Variants in ANKRD45 observed in about 807,000 individuals in gnomAD.
ANKRD45 encodes ankyrin repeat domain-containing protein 45.
In ANKRD45, 21 loss-of-function variants were observed where a neutral mutation model predicts 28.1. That is an observed-to-expected ratio of 0.75 (90% CI 0.53 to 1.08). The LOEUF (loss-of-function observed/expected upper bound fraction) is 1.08. Among genes scored for constraint, ANKRD45 ranks in the 50% least tolerant of loss-of-function variants. The pLI is 0.00. For missense variants in ANKRD45, 261 were observed against 308.7 expected (o/e 0.85, Z 1.16); for synonymous variants, 86 against 103.9 (o/e 0.83, Z 1.05).
the ANKRD45 span, among the ~76,000 whole-genome samples, chr1:173,713,176 A>T: frequency 6.6e-6 from 1 of 152,238 alleles, no homozygotes; most frequent in Admixed American, 6.5e-5. Context: ...TTTCAATAAG[A>T]TCACAAAGCT....
intron 2 of ANKRD45, chr1:173,657,304 T>A (rs941763435): frequency 6.2e-6 from 2 of 323,184 alleles, no homozygotes; most frequent in Admixed American, 3.3e-5. Context: ...CCCTCTCCAC[T>A]AAAAAATACG....
At chr1:173,661,912 G>C (rs567526911) in intron 1 of ANKRD45, among the ~76,000 whole-genome samples, 1 of 152,144 alleles carries the variant, frequency 6.6e-6, no homozygotes, top group Non-Finnish European at 1.5e-5. Context: ...GAAATAACAG[G>C]GAAGTGAAGA....
In ANKRD45 at chr1:173,635,931, C is replaced by T. The variant is rs1014382408; in HGVS notation, c.497-8772G>A. On this transcript the variant is annotated intron_variant, in intron 3 of 5. Transcript: ENST00000333279. Reference sequence around the variant, plus strand: ...TACTAGTTTCTTTGAGAGAGGGTACCGTGTTTTATTCCTCATTGTAACCTT... The same window carrying T: ...TACTAGTTTCTTTGAGAGAGGGTACTGTGTTTTATTCCTCATTGTAACCTT... 3.7e-5 allele frequency: 38 copies of T among 1,018,104 alleles called. No homozygotes were observed. In the Admixed American group the frequency reaches 9.7e-4, roughly 26 times the overall value. 63.1% of individuals were successfully genotyped at this position (1,018,104 alleles called of 1,614,324 possible). A position where few individuals can be genotyped will look rare whatever the true frequency, so the allele number is the denominator to read the frequency against.
chr1:173,650,189 T>C (rs995041260), intron 2 of ANKRD45, among the ~76,000 whole-genome samples: 1 of 152,174 alleles, frequency 6.6e-6, no homozygotes, highest in African/African-American at 2.4e-5. Flanking sequence ...ATGTGCCATG[T>C]TGGTTTGCTG....
chr1:173,685,542 T>G, the ANKRD45 span, among the ~76,000 whole-genome samples: 1 of 152,226 alleles, frequency 6.6e-6, no homozygotes, highest in African/African-American at 2.4e-5. Context: ...TTTTGTTTAA[T>G]GTGTGGAGGG....
chr1:173,688,547 C>CCTCTCTCT, the ANKRD45 span, among the ~76,000 whole-genome samples: 1 of 81,066 alleles, frequency 1.2e-5, no homozygotes, highest in African/African-American at 6.8e-5. Context: ...CCTCTCTCTC[C>CCTCTCTCT]CTCTCTGCCT....
At chr1:173,634,317 T>C (rs1217277602) in intron 3 of ANKRD45, among the ~76,000 whole-genome samples, 1 of 151,754 alleles carries the variant, frequency 6.6e-6, no homozygotes, top group African/African-American at 2.4e-5. Flanking sequence ...TACAGACATA[T>C]AGATTTAGAT....
At chr1:173,685,053 T>A in the ANKRD45 span, among the ~76,000 whole-genome samples, 1 of 152,212 alleles carries the variant, frequency 6.6e-6, no homozygotes. Flanking sequence ...TTACGATGTT[T>A]TATTTTTCCT....
chr1:173,701,781 T>C, the ANKRD45 span, among the ~76,000 whole-genome samples: 6 of 152,106 alleles, frequency 3.9e-5, no homozygotes, highest in East Asian at 5.8e-4. Context: ...AACCTGCACA[T>C]TGTGCACATG....
the ANKRD45 span, among the ~76,000 whole-genome samples, chr1:173,691,974 G>T: frequency 6.6e-6 from 1 of 152,158 alleles, no homozygotes; most frequent in Non-Finnish European, 1.5e-5. Context: ...CTAATTTAAA[G>T]AGAATGATGG....
At chr1:173,621,651 A>G (rs1471697610) in intron 5 of ANKRD45, among the ~76,000 whole-genome samples, 2 of 152,162 alleles carry the variant, frequency 1.3e-5, no homozygotes, top group African/African-American at 4.8e-5. Flanking sequence ...TTGAAGGAAC[A>G]TACCTCAAAA....
At chr1:173,625,864 T>C (rs992625755) in intron 4 of ANKRD45, among the ~76,000 whole-genome samples, 2 of 152,172 alleles carry the variant, frequency 1.3e-5, no homozygotes, top group African/African-American at 4.8e-5. Context: ...AGAATAGAAA[T>C]AGAAAAGGGA....
chr1:173,614,993 A>T (rs1428192209), intron 5 of ANKRD45, among the ~76,000 whole-genome samples: 1 of 151,718 alleles, frequency 6.6e-6, no homozygotes, highest in African/African-American at 2.4e-5. Flanking sequence ...ATTTTTTTGT[A>T]TTTTTAGTAG....
chr1:173,650,689 T>C (rs1669166921), intron 2 of ANKRD45, among the ~76,000 whole-genome samples: 1 of 152,230 alleles, frequency 6.6e-6, no homozygotes, highest in Non-Finnish European at 1.5e-5. Flanking sequence ...CCACAATGGT[T>C]GAACTACTTT....
chr1:173,712,398 C>T, the ANKRD45 span, among the ~76,000 whole-genome samples: 2 of 152,172 alleles, frequency 1.3e-5, no homozygotes, highest in African/African-American at 2.4e-5. Flanking sequence ...CTTTGGGCAA[C>T]TTACATAACA....
At chr1:173,627,890 A>G (rs1326643727) in intron 3 of ANKRD45, among the ~76,000 whole-genome samples, 1 of 151,644 alleles carries the variant, frequency 6.6e-6, no homozygotes, top group Non-Finnish European at 1.5e-5. Flanking sequence ...AGGAGAAGAG[A>G]GGCAAAAGTG....
chr1:173,622,593 T>C (rs1253703242), intron 5 of ANKRD45, among the ~76,000 whole-genome samples: 2 of 152,212 alleles, frequency 1.3e-5, no homozygotes, highest in Non-Finnish European at 2.9e-5. Context: ...TTGGGAAAAC[T>C]GGTTAGCCAT....
chr1:173,626,079 C>A (rs559561156), intron 4 of ANKRD45, among the ~76,000 whole-genome samples: 7 of 152,136 alleles, frequency 4.6e-5, no homozygotes, highest in African/African-American at 1.7e-4. Context: ...ATAAATTTTG[C>A]CTACATTTTG....
chr1:173,696,997 G>A, the ANKRD45 span, among the ~76,000 whole-genome samples: 4 of 152,178 alleles, frequency 2.6e-5, no homozygotes, highest in Non-Finnish European at 5.9e-5. Context: ...TGAAAACCAT[G>A]GCAGGAGAAC....
Sources: gnomAD v4.1 joint callset for allele counts (sites outside exome capture counted in the v4.1 genomes callset) on GRCh38, gnomAD v4.1.1 for gene constraint, MANE v1.5 for transcripts, NCBI Gene and HGNC (gene_info 2026-07-23, HGNC 2026-07-21) for gene names.